Variants in ZNF787 observed in about 807,000 individuals in gnomAD.
The protein encoded by ZNF787 is TTF-I-interacting peptide 20.
A neutral mutation model predicts 16.9 loss-of-function variants in ZNF787; 7 were observed. The ratio of observed to expected loss-of-function variants is 0.42; its 90% CI spans 0.24 to 0.78. The LOEUF is 0.78. Ranked by LOEUF, ZNF787 falls within the 30% of genes least tolerant of loss-of-function variation. The probability of loss-of-function intolerance (pLI) is 0.30; values close to 1 mark genes in which losing one functional copy is unlikely to be tolerated. For synonymous variants in ZNF787, 345 were observed against 270.9 expected, an observed-to-expected ratio of 1.27 and a Z score of -2.69; for missense variants, 551 against 589.3, an observed-to-expected ratio of 0.94 and a Z score of 0.67.
At position 56,087,893 on chromosome 19, in the gene ZNF787, G is replaced by C. The variant is rs372305136; in HGVS notation, c.*130C>G. 230 of 1,266,746 alleles carry C rather than the reference G, an allele frequency of 1.8e-4. 1 individual carries two copies. The East Asian group carries it at 6.7e-3, about 37-fold the overall frequency. The allele number at this position is 1,266,746 out of a possible 1,614,324, so 78.5% of individuals were successfully genotyped here. ...CACGGACGGCGCAGGGACAGAGGAGGGCGGGGAGCCGGGGATGCCGCGGGG... is the reference window on the plus strand; with the variant it reads ...CACGGACGGCGCAGGGACAGAGGAGCGCGGGGAGCCGGGGATGCCGCGGGG... On this transcript the variant is annotated 3_prime_UTR_variant, in exon 3 of 3. Coordinates refer to ENST00000610935, the MANE Select transcript of ZNF787 (RefSeq NM_001002836.4).
chr19:56,110,257 C>T lies in ZNF787; in HGVS notation c.-10-7030G>A, dbSNP rs185900245. 2.7e-5 allele frequency among the ~76,000 whole-genome samples: 4 copies of T among 150,004 alleles called. 1 individual carries two copies. The highest frequency in any genetic ancestry group is 6.5e-3 in the Middle Eastern group (2 of 308). On this transcript the variant is annotated intron_variant, in intron 1 of 2. Coordinates refer to ENST00000610935, the MANE Select transcript of ZNF787 (RefSeq NM_001002836.4). ...TGCCTGTAGTCCCAGCTACTGGGGA[C>T]GCTGAGGCAGGAGAATCGCTTGAAC...
chr19:56,112,357 C>A (rs780041733), intron 1 of ZNF787, among the ~76,000 whole-genome samples: 2 of 152,200 alleles, frequency 1.3e-5, no homozygotes, highest in Non-Finnish European at 2.9e-5. Context: ...TCTGCAGGTG[C>A]TTACTCACCT....
rs1015793287 is a variant in ZNF787, at chr19:56,087,406, C to G, written c.*617G>C. On this transcript the variant is annotated 3_prime_UTR_variant, in exon 3 of 3. Transcript: ENST00000610935. ...CCGTTTATTGTTCCAGCACCCCTTC[C>G]TCCACCACGCCCAGGCCTGGGACAA... The G allele has an allele frequency of 1.3e-4, 20 of 152,302 alleles. No homozygotes were observed. The highest frequency in any genetic ancestry group is 4.8e-4 in the African/African-American group (20 of 41,432). The allele number at this position is 152,302 out of a possible 1,614,324, so 9.4% of individuals were successfully genotyped here.
intron 2 of ZNF787, chr19:56,102,856 C>T (rs1027026092): frequency 1.0e-5 from 7 of 701,368 alleles, no homozygotes; most frequent in Admixed American, 6.0e-5. Context: ...GGGGGTGCTG[C>T]CCAGGCTGGA....
intron 1 of ZNF787, chr19:56,105,629 G>A (rs2123414892): frequency 6.6e-6 from 1 of 152,098 alleles, no homozygotes; most frequent in Non-Finnish European, 1.5e-5. Flanking sequence ...GCCTCCAGCA[G>A]GAGCCACGAG....
At chr19:56,102,555 T>G in intron 2 of ZNF787, 1 of 363,284 alleles carries the variant, frequency 2.8e-6, no homozygotes. Flanking sequence ...CAATAATGCT[T>G]TATTAAACAA....
Position 56,121,204 on chromosome 19 carries a change from C to T in ZNF787, c.-43G>A, listed in dbSNP as rs2030290295. ...GTCCCGGGGCCGCCGCGCCGCACTCCTCCTCCTCTCTCCTGCCTCGCGGAT... is the reference window on the plus strand; with the variant it reads ...GTCCCGGGGCCGCCGCGCCGCACTCTTCCTCCTCTCTCCTGCCTCGCGGAT... On this transcript the variant is annotated 5_prime_UTR_variant, in exon 1 of 3. Coordinates refer to ENST00000610935, the MANE Select transcript of ZNF787 (RefSeq NM_001002836.4). The T allele has an allele frequency of 6.7e-6, 1 of 149,614 alleles. No individual in the cohort carries two copies. Among genetic ancestry groups the T allele is most frequent in the Non-Finnish European group, 1.5e-5 (1 of 67,250 alleles). The allele number at this position is 149,614 out of a possible 1,614,324, so 9.3% of individuals were successfully genotyped here. A position where few individuals can be genotyped will look rare whatever the true frequency, so the allele number is the denominator to read the frequency against.
At chr19:56,092,162 G>T (rs1215596051) in intron 2 of ZNF787, among the ~76,000 whole-genome samples, 1 of 152,184 alleles carries the variant, frequency 6.6e-6, no homozygotes, top group Non-Finnish European at 1.5e-5. Context: ...GAAGAGCACG[G>T]TGAGGAGCAC....
intron 2 of ZNF787, chr19:56,101,653 G>T (rs1986102731): frequency 6.6e-6 from 1 of 152,028 alleles, no homozygotes; most frequent in Non-Finnish European, 1.5e-5. Flanking sequence ...TTTTTTCAAG[G>T]AGTCCTTACA....
intron 1 of ZNF787, among the ~76,000 whole-genome samples, chr19:56,120,691 G>A (rs1432808682): frequency 6.6e-6 from 1 of 151,994 alleles, no homozygotes; most frequent in African/African-American, 2.4e-5. Context: ...TATCCGGCCA[G>A]GCCAGCCCAA....
rs2123385286 is a variant in ZNF787, at chr19:56,088,348, G to A, written c.824C>T (p.Pro275Leu). Residue 275 changes from proline to leucine, a missense_variant, in exon 3 of 3, where the codon CCG (proline) becomes CTG (leucine). Around this residue, in one of 4 missense-constraint regions of ZNF787, gnomAD observed 392 missense variants for 312.7 expected, o/e 1.25. Transcript: ENST00000610935. The surrounding 1 kb of genome is among the most constrained non-coding windows in gnomAD (Gnocchi z 8.6). ...KAAGPRSRRA[P>L]APKPYVCLEC... ...CAGACACACGTACGGCTTGGGGGCCGGGGCGCGCCGCGACCGGGGCCCCGC... is the reference window on the plus strand; with the variant it reads ...CAGACACACGTACGGCTTGGGGGCCAGGGCGCGCCGCGACCGGGGCCCCGC... The A allele has an allele frequency of 1.7e-6, 2 of 1,169,764 alleles. No individual in the cohort carries two copies. Among genetic ancestry groups the A allele is most frequent in the Non-Finnish European group, 2.1e-6 (2 of 946,206 alleles). 72.5% of individuals were successfully genotyped at this position (1,169,764 alleles called of 1,614,324 possible).
At chr19:56,089,129 G>C (rs954455849) in intron 2 of ZNF787, 37 bp from the exon 3 acceptor site, 1 of 1,413,332 alleles carries the variant, frequency 7.1e-7, no homozygotes, top group Non-Finnish European at 9.2e-7. Context: ...TGAGTCAAGA[G>C]AGGCAAGGGC....
intron 2 of ZNF787, among the ~76,000 whole-genome samples, chr19:56,095,335 G>T (rs1403933505): frequency 6.6e-6 from 1 of 152,150 alleles, no homozygotes; most frequent in Non-Finnish European, 1.5e-5. Flanking sequence ...AAATGATCTT[G>T]ATCTTGTTGG....
intron 1 of ZNF787, among the ~76,000 whole-genome samples, chr19:56,109,417 T>A (rs1406097214): frequency 2.0e-5 from 3 of 152,156 alleles, no homozygotes; most frequent in Non-Finnish European, 2.9e-5. Context: ...GAAGAGGACG[T>A]GCTCATCACC....
At chr19:56,115,589 C>T (rs566781621) in intron 1 of ZNF787, among the ~76,000 whole-genome samples, 30 of 152,088 alleles carry the variant, frequency 2.0e-4, no homozygotes, top group Admixed American at 6.5e-4. Flanking sequence ...CTGCTCTATT[C>T]TTTTCCAGCC....
intron 2 of ZNF787, among the ~76,000 whole-genome samples, chr19:56,097,469 C>G (rs1985913451): frequency 6.6e-6 from 1 of 152,256 alleles, no homozygotes; most frequent in Admixed American, 6.5e-5. Context: ...ACGCCCACCA[C>G]AGGCCACGCC....
At chr19:56,104,773 G>A (rs1986238141) in intron 1 of ZNF787, among the ~76,000 whole-genome samples, 1 of 152,282 alleles carries the variant, frequency 6.6e-6, no homozygotes, top group African/African-American at 2.4e-5. Context: ...CTAAAGTGGA[G>A]AGCAGAGCCT....
intron 1 of ZNF787, among the ~76,000 whole-genome samples, chr19:56,116,149 A>T (rs2123431783): frequency 6.6e-6 from 1 of 152,264 alleles, no homozygotes; most frequent in Non-Finnish European, 1.5e-5. Context: ...CTAAAAAAAA[A>T]TAAAGCCCCT....
chr19:56,115,900 G>A (rs1252330562), intron 1 of ZNF787, among the ~76,000 whole-genome samples: 1 of 152,174 alleles, frequency 6.6e-6, no homozygotes, highest in Non-Finnish European at 1.5e-5. Context: ...GGGCAGCCGA[G>A]TAACTGAGAA....
Sources: allele counts gnomAD v4.1 joint callset (sites outside exome capture counted in the v4.1 genomes callset), GRCh38; gene constraint gnomAD v4.1.1; regional missense constraint gnomAD v4.1.1; non-coding constraint Gnocchi (gnomAD v3.1); transcripts MANE v1.5; gene names NCBI Gene and HGNC (gene_info 2026-07-23, HGNC 2026-07-21).